Variants in ZPBP observed in about 807,000 individuals in gnomAD.
ZPBP encodes zona pellucida binding protein, also known as zona pellucida-binding protein 1.
ZPBP carries 26 observed loss-of-function variants against 44.8 expected under a neutral mutation model. The observed-to-expected ratio is 0.58, with a 90% CI of 0.43 to 0.81. The LOEUF (loss-of-function observed/expected upper bound fraction) is 0.81, where lower values mean the gene tolerates loss of function less well. ZPBP is among the 30% of genes least tolerant of loss of function. The pLI, the probability that ZPBP is intolerant of heterozygous loss-of-function variation, is 0.00. For synonymous variants in ZPBP, 174 were observed against 153.2 expected, an observed-to-expected ratio of 1.14 and a Z score of -1.00; for missense variants, 409 against 434.0, an observed-to-expected ratio of 0.94 and a Z score of 0.51.
At chr7:50,019,517 G>A (rs978154788) in intron 5 of ZPBP, among the ~76,000 whole-genome samples, 1 of 151,944 alleles carries the variant, frequency 6.6e-6, no homozygotes, top group African/African-American at 2.4e-5. Context: ...ATCTTGAAGA[G>A]GGATCCTTAC....
intron 2 of ZPBP, among the ~76,000 whole-genome samples, chr7:49,852,754 T>G (rs1790233327): frequency 6.6e-6 from 1 of 152,134 alleles, no homozygotes; most frequent in South Asian, 2.1e-4. Flanking sequence ...TTAATCAACT[T>G]CTTCCAAACC....
At position 50,008,521 on chromosome 7, in the gene ZPBP, C is replaced by T. The variant is rs185391344; in HGVS notation, c.783+9719G>A. 1.1e-4 allele frequency among the ~76,000 whole-genome samples: 17 copies of T among 152,038 alleles called. No individual in the cohort carries two copies. In the East Asian group the frequency reaches 3.3e-3, roughly 29 times the overall value. On this transcript the variant is annotated intron_variant, in intron 6 of 7. Transcript: ENST00000046087. ...TTTTTGCAGAAATAGAAAAACCCAT[C>T]CTCAAATTCATATGAAATCTCATGA...
the ZPBP span, among the ~76,000 whole-genome samples, chr7:49,844,859 A>AT: frequency 6.6e-6 from 1 of 151,762 alleles, no homozygotes; most frequent in Non-Finnish European, 1.5e-5. Context: ...CGTCCAACTA[A>AT]ATTTTTGTAT....
chr7:50,056,196 G>C (rs868342235), intron 4 of ZPBP: 39 of 152,104 alleles, frequency 2.6e-4, no homozygotes, highest in African/African-American at 9.4e-4. Context: ...TTATGGCTCT[G>C]GAGATCAGAA....
At chr7:49,959,762 C>T (rs149771835) in intron 7 of ZPBP, among the ~76,000 whole-genome samples, 11 of 151,814 alleles carry the variant, frequency 7.2e-5, no homozygotes, top group African/African-American at 2.2e-4. Context: ...AAAATGCATA[C>T]AATAATTCAA....
chr7:49,980,105 TATA>T (rs1389800139), intron 7 of ZPBP, among the ~76,000 whole-genome samples: 1 of 104,786 alleles, frequency 9.5e-6, no homozygotes, highest in Non-Finnish European at 1.7e-5. Context: ...TATATATAAT[TATA>T]ATATAATTTT....
intron 2 of ZPBP, among the ~76,000 whole-genome samples, chr7:49,857,222 T>G (rs1790462639): frequency 6.6e-6 from 1 of 152,110 alleles, no homozygotes; most frequent in Non-Finnish European, 1.5e-5. Context: ...ACCATTCTGG[T>G]TCAGCTCTGG....
chr7:50,047,225 C>T (rs890015363), intron 4 of ZPBP, among the ~76,000 whole-genome samples: 2 of 151,840 alleles, frequency 1.3e-5, no homozygotes, highest in African/African-American at 2.4e-5. Flanking sequence ...CAGCAAACCA[C>T]CACGGTATGT....
intron 7 of ZPBP, among the ~76,000 whole-genome samples, chr7:49,977,397 G>T: frequency 6.6e-6 from 1 of 152,096 alleles, no homozygotes; most frequent in Non-Finnish European, 1.5e-5. Context: ...CAAAACAAGG[G>T]TTCAGGGATG....
chr7:49,899,210 C>T (rs1230223868), intron 2 of ZPBP, among the ~76,000 whole-genome samples: 1 of 151,860 alleles, frequency 6.6e-6, no homozygotes, highest in East Asian at 1.9e-4. Flanking sequence ...ATGTTTTTCC[C>T]TTATAATAAT....
At chr7:49,864,617 T>C (rs185902505) in intron 2 of ZPBP, among the ~76,000 whole-genome samples, 7 of 152,338 alleles carry the variant, frequency 4.6e-5, no homozygotes, top group Non-Finnish European at 8.8e-5. Context: ...TTTTCGAGCA[T>C]CATCTACTGC....
intron 5 of ZPBP, among the ~76,000 whole-genome samples, chr7:50,025,022 A>G (rs1291266738): frequency 6.6e-6 from 1 of 151,916 alleles, no homozygotes; most frequent in Non-Finnish European, 1.5e-5. Context: ...CTTGTAATAA[A>G]CAACTGTAAT....
chr7:49,937,491 G>T lies in ZPBP; in HGVS notation c.*37C>A. 1 of 1,400,036 alleles carries T rather than the reference G, an allele frequency of 7.1e-7. No individual in the cohort carries two copies. Among genetic ancestry groups the T allele is most frequent in the South Asian group, 1.2e-5 (1 of 86,366 alleles). The allele number at this position is 1,400,036 out of a possible 1,614,324, so 86.7% of individuals were successfully genotyped here. A position where few individuals can be genotyped will look rare whatever the true frequency, so the allele number is the denominator to read the frequency against. ...TGTTAATATTTCAAATATATACTTT[G>T]CATTTAATAAACCACTGAATAACTG... is the stretch of plus-strand genomic sequence containing the variant. On this transcript the variant is annotated 3_prime_UTR_variant, in exon 8 of 8. Coordinates refer to ENST00000046087, the MANE Select transcript of ZPBP (RefSeq NM_007009.3).
chr7:50,039,333 T>A (rs552088242), intron 4 of ZPBP, among the ~76,000 whole-genome samples: 67 of 152,228 alleles, frequency 4.4e-4, no homozygotes, highest in African/African-American at 1.5e-3. Flanking sequence ...TAATTAGCAA[T>A]ATTTGCCACA....
At chr7:49,875,278 G>A (rs997740163) in intron 2 of ZPBP, among the ~76,000 whole-genome samples, 6 of 139,310 alleles carry the variant, frequency 4.3e-5, no homozygotes, top group African/African-American at 1.6e-4. Flanking sequence ...GCTGAGGCAG[G>A]AGAATCGCCT....
chr7:50,086,922 G>A (rs1005444799), intron 2 of ZPBP, among the ~76,000 whole-genome samples: 1 of 151,990 alleles, frequency 6.6e-6, no homozygotes, highest in East Asian at 1.9e-4. Context: ...TAAACAAGGA[G>A]ATAATCTTGA....
intron 1 of ZPBP, among the ~76,000 whole-genome samples, chr7:49,905,779 G>A (rs1229606715): frequency 1.3e-5 from 2 of 152,136 alleles, no homozygotes; most frequent in Non-Finnish European, 2.9e-5. Context: ...CAAGAAAGAG[G>A]TCGGCTCAAG....
chr7:50,035,585 C>T (rs1399241893), intron 4 of ZPBP, among the ~76,000 whole-genome samples: 1 of 151,918 alleles, frequency 6.6e-6, no homozygotes, highest in African/African-American at 2.4e-5. Flanking sequence ...GACAAGTGCA[C>T]AAAAACAGGA....
At chr7:49,947,164 GT>G (rs1795135324) in intron 7 of ZPBP, among the ~76,000 whole-genome samples, 1 of 152,058 alleles carries the variant, frequency 6.6e-6, no homozygotes, top group South Asian at 2.1e-4. Context: ...CATCTGAAAG[GT>G]TACACATCTG....
Sources: allele counts gnomAD v4.1 joint callset (sites outside exome capture counted in the v4.1 genomes callset), GRCh38; gene constraint gnomAD v4.1.1; transcripts MANE v1.5; gene names NCBI Gene and HGNC (gene_info 2026-07-23, HGNC 2026-07-21).